BCL2L11: variants seen among roughly 807,000 people sequenced by gnomAD.
The protein encoded by BCL2L11 is bcl-2-like protein 11.
A neutral mutation model predicts 20.6 loss-of-function variants in BCL2L11; 15 were observed. The ratio of observed to expected loss-of-function variants is 0.73; its 90% CI spans 0.49 to 1.12. The LOEUF (loss-of-function observed/expected upper bound fraction) is 1.12, where lower values mean the gene tolerates loss of function less well. BCL2L11 is among the 50% of genes most tolerant of loss of function. The pLI is 0.00. For missense variants in BCL2L11, 292 were observed against 260.9 expected (o/e 1.12, Z -0.82); for synonymous variants, 108 against 92.8 (o/e 1.16, Z -0.94).
In BCL2L11 at chr2:111,164,542, C is replaced by T; in HGVS notation, c.*311C>T. The stretch of plus-strand genomic sequence containing the variant: ...GGTGTTTACATGCAGTGTGTTTTCC[C>T]CCTCACCTTCAATAAGGTTTTTCAA... On this transcript the variant is annotated 3_prime_UTR_variant, in exon 4 of 4. Transcript: ENST00000393256. 4.5e-6 allele frequency: 1 copy of T among 220,518 alleles called. No homozygotes were observed. Among genetic ancestry groups the T allele is most frequent in the Non-Finnish European group, 8.9e-6 (1 of 111,990 alleles). The allele number at this position is 220,518 out of a possible 1,614,324, so 13.7% of individuals were successfully genotyped here. A position where few individuals can be genotyped will look rare whatever the true frequency, so the allele number is the denominator to read the frequency against.
At chr2:111,159,333 A>G (rs1165448083) in intron 3 of BCL2L11, among the ~76,000 whole-genome samples, 1 of 152,214 alleles carries the variant, frequency 6.6e-6, no homozygotes, top group East Asian at 1.9e-4. Context: ...GCAAAACAGC[A>G]TAGGGAATGC....
At chr2:111,140,446 C>G (rs180964529) in intron 2 of BCL2L11, among the ~76,000 whole-genome samples, 1 of 152,142 alleles carries the variant, frequency 6.6e-6, no homozygotes, top group South Asian at 2.1e-4. Context: ...TTATAGAAGA[C>G]TTACGGAGTG....
At chr2:111,122,564 G>T in intron 1 of BCL2L11, 1 of 974,504 alleles carries the variant, frequency 1.0e-6, no homozygotes, top group Non-Finnish European at 1.2e-6. Context: ...AATTGGGAAC[G>T]CGGGCACCCG....
chr2:111,126,919 T>G (rs768583347), intron 2 of BCL2L11, among the ~76,000 whole-genome samples: 9 of 152,118 alleles, frequency 5.9e-5, no homozygotes, highest in Non-Finnish European at 1.2e-4. Context: ...TGTCTTGAAG[T>G]TTTGTTTTGC....
intron 2 of BCL2L11, among the ~76,000 whole-genome samples, chr2:111,149,445 C>G (rs1355683995): frequency 6.6e-6 from 1 of 152,302 alleles, no homozygotes; most frequent in Admixed American, 6.5e-5. Context: ...AATATTGAGA[C>G]AAAACATGCA....
intron 2 of BCL2L11, among the ~76,000 whole-genome samples, 159 bp from the exon 3 acceptor site, chr2:111,149,885 C>G (rs1264333162): frequency 1.3e-5 from 2 of 152,196 alleles, no homozygotes; most frequent in Non-Finnish European, 2.9e-5. Context: ...CTCTGCCACT[C>G]TAATCTTTAG....
intron 2 of BCL2L11, among the ~76,000 whole-genome samples, chr2:111,125,208 T>C (rs1252023081): frequency 6.6e-6 from 1 of 152,218 alleles, no homozygotes; most frequent in Non-Finnish European, 1.5e-5. Context: ...CATTGACAGC[T>C]GATTCAGATT....
At chr2:111,126,005 C>T (rs188328562) in intron 2 of BCL2L11, among the ~76,000 whole-genome samples, 218 of 152,190 alleles carry the variant, frequency 1.4e-3, no homozygotes, top group Non-Finnish European at 2.1e-3. Flanking sequence ...GCATTAAAGA[C>T]CCTCTGGAAG....
chr2:111,149,527 A>G (rs905219062), intron 2 of BCL2L11, among the ~76,000 whole-genome samples: 3 of 152,208 alleles, frequency 2.0e-5, no homozygotes, highest in Admixed American at 6.5e-5. Flanking sequence ...CTGCTTTCAT[A>G]GAAACCAACT....
chr2:111,126,942 T>A (rs1159342616), intron 2 of BCL2L11, among the ~76,000 whole-genome samples: 1 of 152,158 alleles, frequency 6.6e-6, no homozygotes, highest in Non-Finnish European at 1.5e-5. Context: ...AACTTTGTTC[T>A]AATGAGAAAG....
chr2:111,160,261 C>T (rs2078396022), intron 3 of BCL2L11, among the ~76,000 whole-genome samples: 1 of 152,246 alleles, frequency 6.6e-6, no homozygotes, highest in African/African-American at 2.4e-5. Flanking sequence ...TCCCCCACTT[C>T]CTCTCTGGCC....
At chr2:111,146,633 G>A (rs1181216452) in intron 2 of BCL2L11, among the ~76,000 whole-genome samples, 1 of 152,166 alleles carries the variant, frequency 6.6e-6, no homozygotes, top group Non-Finnish European at 1.5e-5. Context: ...CCACTGTGGG[G>A]CTTACAGACC....
At chr2:111,140,446 C>T (rs180964529) in intron 2 of BCL2L11, among the ~76,000 whole-genome samples, 21 of 152,260 alleles carry the variant, frequency 1.4e-4, no homozygotes, top group Admixed American at 9.2e-4. Context: ...TTATAGAAGA[C>T]TTACGGAGTG....
chr2:111,127,112 C>G (rs192684323), intron 2 of BCL2L11, among the ~76,000 whole-genome samples: 265 of 152,202 alleles, frequency 1.7e-3, no homozygotes, highest in African/African-American at 6.2e-3. Flanking sequence ...ATTTTAGTCT[C>G]CTTACACTCT....
At position 111,120,965 on chromosome 2, in the gene BCL2L11, A is replaced by C. The variant is rs998915916; in HGVS notation, c.-237A>C. The stretch of plus-strand genomic sequence containing the variant: ...TGCAGTTTGTTGGAGCTCTGCGTCC[A>C]GCGCCGCTGCCGCTGCCGCCGCCGC... On this transcript the variant is annotated 5_prime_UTR_variant, in exon 1 of 4. Transcript: ENST00000393256. 2 of 368,474 alleles carry C rather than the reference A, an allele frequency of 5.4e-6. No homozygotes were observed. Among genetic ancestry groups the C allele is most frequent in the Non-Finnish European group, 4.7e-6 (1 of 213,192 alleles). 22.8% of individuals were successfully genotyped at this position (368,474 alleles called of 1,614,324 possible).
chr2:111,122,278 C>T (rs915409342), intron 1 of BCL2L11, among the ~76,000 whole-genome samples: 2 of 152,236 alleles, frequency 1.3e-5, no homozygotes, highest in African/African-American at 4.8e-5. Flanking sequence ...GGTCCGGGCG[C>T]GGCGCAAGTC....
intron 3 of BCL2L11, among the ~76,000 whole-genome samples, chr2:111,159,172 A>G (rs1312427620): frequency 6.6e-6 from 1 of 152,228 alleles, no homozygotes; most frequent in East Asian, 1.9e-4. Context: ...AGGGTGTGCG[A>G]GGAGGGAAGG....
intron 2 of BCL2L11, among the ~76,000 whole-genome samples, chr2:111,137,079 G>A (rs548303925): frequency 2.0e-5 from 3 of 152,122 alleles, no homozygotes; most frequent in Non-Finnish European, 4.4e-5. Flanking sequence ...ACCCAATTCC[G>A]ATTTTATATG....
Position 111,124,084 on chromosome 2 carries a change from A to C in BCL2L11, c.339A>C (p.Ser113=). 6.2e-7 allele frequency: 1 copy of C among 1,614,070 alleles called. No individual in the cohort carries two copies. The highest frequency in any genetic ancestry group is 8.5e-7 in the Non-Finnish European group (1 of 1,180,008). The change falls in exon 2 of 4, where the codon TCA becomes TCC. Residue 113 remains serine, a synonymous_variant. Transcript: ENST00000393256. Reference sequence around the variant, plus strand: ...CAGCACCCATGAGTTGTGACAAATCAACACAAACCCCAAGTCCTCCTTGCC... The same window carrying C: ...CAGCACCCATGAGTTGTGACAAATCCACACAAACCCCAAGTCCTCCTTGCC... ...RSPAPMSCDK[S]TQTPSPPCQA...
Sources: allele counts gnomAD v4.1 joint callset (sites outside exome capture counted in the v4.1 genomes callset), GRCh38; gene constraint gnomAD v4.1.1; transcripts MANE v1.5; gene names NCBI Gene and HGNC (gene_info 2026-07-23, HGNC 2026-07-21).